Variants in BNIPL observed in about 807,000 individuals in gnomAD.
BNIPL encodes the protein bcl-2/adenovirus E1B 19 kDa-interacting protein 2-like protein.
In BNIPL, 33 loss-of-function variants were observed where a neutral mutation model predicts 47.0. That is an observed-to-expected ratio of 0.70 (90% CI 0.53 to 0.94). BNIPL has a LOEUF of 0.94. BNIPL is among the 40% of genes least tolerant of loss of function. The probability of loss-of-function intolerance (pLI) is 0.00; values close to 1 mark genes in which losing one functional copy is unlikely to be tolerated. For missense variants in BNIPL, 404 were observed against 445.2 expected, an observed-to-expected ratio of 0.91 and a Z score of 0.83; for synonymous variants, 145 against 162.7, an observed-to-expected ratio of 0.89 and a Z score of 0.83.
At chr1:151,037,268 G>A in intron 1 of BNIPL, 1 of 1,025,850 alleles carries the variant, frequency 9.7e-7, no homozygotes, top group Non-Finnish European at 1.2e-6. Context: ...GTCTAGCTGG[G>A]TTCCAGCCAC....
At chr1:151,039,791 C>T (rs1309305907) in intron 4 of BNIPL, among the ~76,000 whole-genome samples, 3 of 152,146 alleles carry the variant, frequency 2.0e-5, no homozygotes, top group Non-Finnish European at 1.5e-5. Context: ...TGCCCTGTTG[C>T]CCAGGCTAGA....
intron 2 of BNIPL, 172 bp from the exon 3 acceptor site, chr1:151,038,332 C>G (rs1675700062): frequency 3.3e-6 from 2 of 613,580 alleles, no homozygotes; most frequent in African/African-American, 3.7e-5. Context: ...TGTGATTGTG[C>G]CACTGCATTC....
At chr1:151,042,500 G>A (rs1038810998) in intron 4 of BNIPL, among the ~76,000 whole-genome samples, 2 of 152,132 alleles carry the variant, frequency 1.3e-5, no homozygotes, top group Non-Finnish European at 1.5e-5. Flanking sequence ...TTAGGGATAC[G>A]GCTAGAGTCA....
rs1571846847 is a variant in BNIPL, at chr1:151,047,696, C to T, written c.*1009C>T. 2 of 1,332,436 alleles carry T rather than the reference C, an allele frequency of 1.5e-6. No individual in the cohort carries two copies. Among genetic ancestry groups the T allele is most frequent in the East Asian group, 2.7e-5 (1 of 37,064 alleles). 82.5% of individuals were successfully genotyped at this position (1,332,436 alleles called of 1,614,324 possible). A position where few individuals can be genotyped will look rare whatever the true frequency, so the allele number is the denominator to read the frequency against. On this transcript the variant is annotated 3_prime_UTR_variant, in exon 10 of 10. Transcript: ENST00000368931. ...TTCCTTAGGAGCACCCCGCGCGGCCCGCGCGAGCGCGCCTGCGCGTCGAAC... is the reference window on the plus strand; with the variant it reads ...TTCCTTAGGAGCACCCCGCGCGGCCTGCGCGAGCGCGCCTGCGCGTCGAAC...
In BNIPL at chr1:151,038,801, G is replaced by A. The variant is rs1675717666; in HGVS notation, c.208G>A (p.Gly70Ser). ...DPKGDSQAAA[G>S]TPSTLALCGQ... ...CTTTTTCCCCCTTTCTCCAGCTGCA[G>A]GTACCCCCAGCACTTTAGCCCTGTG... Residue 70 changes from glycine (G) to serine (S), a missense_variant, in exon 4 of 10, where the codon GGT becomes AGT. Physicochemically the swap from Gly to Ser is moderately conservative, Grantham distance 56. Transcript: ENST00000368931. The A allele has an allele frequency of 6.3e-7, 1 of 1,576,772 alleles. No individual in the cohort carries two copies. Among genetic ancestry groups the A allele is most frequent in the Non-Finnish European group, 8.6e-7 (1 of 1,161,126 alleles).
At position 151,046,785 on chromosome 1, in the gene BNIPL, ACC is replaced by A; in HGVS notation, c.*99_*100del. On this transcript the variant is annotated 3_prime_UTR_variant, in exon 10 of 10. Transcript: ENST00000368931. ...TGTTTTGTAAATCATCTTATCCCCA[ACC>A]TCAGTACCACCGGATCTTCACTTCT... The A allele has an allele frequency of 5.7e-6, 5 of 881,508 alleles. No homozygotes were observed. The highest frequency in any genetic ancestry group is 4.4e-5 in the South Asian group (2 of 45,538). 54.6% of individuals were successfully genotyped at this position (881,508 alleles called of 1,614,324 possible).
chr1:151,045,614 G>A (rs1675990968), intron 7 of BNIPL, 183 bp from the exon 8 acceptor site: 3 of 1,085,200 alleles, frequency 2.8e-6, no homozygotes, highest in African/African-American at 3.2e-5. Flanking sequence ...GGATCATGGA[G>A]GGCTAAATAA....
At chr1:151,044,967 C>A in intron 7 of BNIPL, 2 of 1,282,832 alleles carry the variant, frequency 1.6e-6, no homozygotes, top group Non-Finnish European at 2.0e-6. Flanking sequence ...GGAAATGGAG[C>A]AGAAAAAGAC....
chr1:151,046,207 G>A (rs982449615), intron 9 of BNIPL, 42 bp downstream of exon 9: 3 of 1,608,862 alleles, frequency 1.9e-6, no homozygotes, highest in African/African-American at 1.3e-5. Context: ...GGTGGGATGT[G>A]TAAAGCCAAT....
Position 151,046,674 on chromosome 1 carries a change from C to T in BNIPL, c.1061C>T (p.Ser354Leu), listed in dbSNP as rs902545950. ...VRQLDRDLHG[S>L]GGT ...AGGCTGGACCGGGATCTCCATGGCT[C>T]AGGAGGGACATAGCACAGGACTGGA... Residue 354 changes from serine (S) to leucine (L), a missense_variant, in exon 10 of 10, where the codon TCA (serine) becomes TTA (leucine). Physicochemically the swap from Ser to Leu is moderately radical, Grantham distance 145. Transcript: ENST00000368931. The T allele has an allele frequency of 1.2e-6, 2 of 1,605,612 alleles. No homozygotes were observed. The highest frequency in any genetic ancestry group is 1.7e-6 in the Non-Finnish European group (2 of 1,172,328).
At chr1:151,041,120 G>A (rs1215959761) in intron 4 of BNIPL, among the ~76,000 whole-genome samples, 2 of 152,046 alleles carry the variant, frequency 1.3e-5, no homozygotes, top group African/African-American at 4.8e-5. Flanking sequence ...GGGAAGTAGA[G>A]GTTGTAGTGA....
Position 151,046,853 on chromosome 1 carries a change from G to C in BNIPL, c.*166G>C, listed in dbSNP as rs115704295. 0.045 allele frequency: 23,428 copies of C among 519,630 alleles called. 745 individuals carry two copies. Among genetic ancestry groups the C allele is most frequent in the African/African-American group, 0.1 (5,182 of 50,820 alleles). 32.2% of individuals were successfully genotyped at this position (519,630 alleles called of 1,614,324 possible). ...CTTTGCATGACCCTACTTTCAGCAG[G>C]GCTTTGAGGCTGGGAAACTGATCTG... On this transcript the variant is annotated 3_prime_UTR_variant, in exon 10 of 10. Transcript: ENST00000368931.
At chr1:151,042,309 G>T (rs1675852882) in intron 4 of BNIPL, among the ~76,000 whole-genome samples, 1 of 151,644 alleles carries the variant, frequency 6.6e-6, no homozygotes, top group African/African-American at 2.4e-5. Context: ...TAAAGATGAG[G>T]TCTCACTTTG....
Position 151,038,347 on chromosome 1 carries a change from C to G in BNIPL, c.138-157C>G, listed in dbSNP as rs138631652. 4,436 of 635,250 alleles carry G rather than the reference C, an allele frequency of 7.0e-3. 22 individuals are homozygous for G. The highest frequency in any genetic ancestry group is 8.3e-3 in the Non-Finnish European group (2,964 of 359,022). The allele number at this position is 635,250 out of a possible 1,614,324, so 39.4% of individuals were successfully genotyped here. A position where few individuals can be genotyped will look rare whatever the true frequency, so the allele number is the denominator to read the frequency against. On this transcript the variant is annotated intron_variant, in intron 2 of 9. Coordinates refer to ENST00000368931, the MANE Select transcript of BNIPL (RefSeq NM_138278.4). ...TGTGATTGTGCCACTGCATTCCAGC[C>G]TGGGCAACAGAGTGAGACCCTGTCT...
chr1:151,039,777 G>A (rs587600850), intron 4 of BNIPL, among the ~76,000 whole-genome samples: 53 of 152,306 alleles, frequency 3.5e-4, no homozygotes, highest in African/African-American at 1.1e-3. Context: ...TTGATACAGA[G>A]TCTTGCCCTG....
At position 151,038,986 on chromosome 1, in the gene BNIPL, C is replaced by G; in HGVS notation, c.393C>G (p.Asp131Glu). 6.2e-7 allele frequency: 1 copy of G among 1,607,692 alleles called. No individual in the cohort carries two copies. The highest frequency in any genetic ancestry group is 8.5e-7 in the Non-Finnish European group (1 of 1,177,128). Residue 131 changes from aspartate (D) to glutamate (E), a missense_variant, in exon 4 of 10, where the codon GAC (aspartate) becomes GAG (glutamate). Transcript: ENST00000368931. ...LEIDELETPS[D>E]SEQLDSGHEF... ...TAGACGAATTGGAGACACCTTCAGACTCGGAGCAGCTGGACAGTGGACATG... is the reference window on the plus strand; with the variant it reads ...TAGACGAATTGGAGACACCTTCAGAGTCGGAGCAGCTGGACAGTGGACATG...
Position 151,046,947 on chromosome 1 carries a change from A to C in BNIPL, c.*260A>C, listed in dbSNP as rs1206114824. 2.7e-6 allele frequency: 1 copy of C among 375,098 alleles called. No individual in the cohort carries two copies. The highest frequency in any genetic ancestry group is 4.8e-6 in the Non-Finnish European group (1 of 209,430). 23.2% of individuals were successfully genotyped at this position (375,098 alleles called of 1,614,324 possible). On this transcript the variant is annotated 3_prime_UTR_variant, in exon 10 of 10. Coordinates refer to ENST00000368931, the MANE Select transcript of BNIPL (RefSeq NM_138278.4). ...TAGGGTCATTTTGTATGGGATATGC[A>C]GAGCTCTGGGTTTTTTTGTTTTTTG... is the stretch of plus-strand genomic sequence containing the variant.
chr1:151,046,423 A>G (rs1426175761), intron 9 of BNIPL, among the ~76,000 whole-genome samples: 1 of 150,982 alleles, frequency 6.6e-6, no homozygotes, highest in Non-Finnish European at 1.5e-5. Context: ...GAATAATCAC[A>G]GTGCAGAGGA....
intron 2 of BNIPL, 39 bp downstream of exon 2, chr1:151,037,701 G>A: frequency 3.3e-6 from 5 of 1,517,164 alleles, no homozygotes; most frequent in African/African-American, 1.4e-5. Flanking sequence ...AGGGAGGGGT[G>A]GTCACGAATG....
Sources: allele counts gnomAD v4.1 joint callset (sites outside exome capture counted in the v4.1 genomes callset), GRCh38; gene constraint gnomAD v4.1.1; transcripts MANE v1.5; gene names NCBI Gene and HGNC (gene_info 2026-07-23, HGNC 2026-07-21).